Variants in MYO10 observed in about 807,000 individuals in gnomAD.
MYO10 encodes myosin X, also known as unconventional myosin-X.
In MYO10, 133 loss-of-function variants were observed where a neutral mutation model predicts 257.3. That is an observed-to-expected ratio of 0.52 (90% CI 0.45 to 0.60). The LOEUF (loss-of-function observed/expected upper bound fraction) is 0.60, where lower values mean the gene tolerates loss of function less well. Among genes scored for constraint, MYO10 ranks in the 20% least tolerant of loss-of-function variants. The probability of loss-of-function intolerance (pLI) is 0.00; values close to 1 mark genes in which losing one functional copy is unlikely to be tolerated. For missense variants in MYO10, 2,399 were observed against 2,635.7 expected (o/e 0.91, Z 1.97); for synonymous variants, 1,104 against 1,028.6 (o/e 1.07, Z -1.40).
chr5:16,703,250 A>C (rs891831592), intron 22 of MYO10, 92 bp from the exon 23 acceptor site: 3 of 970,444 alleles, frequency 3.1e-6, no homozygotes, highest in Non-Finnish European at 4.6e-6. Flanking sequence ...AAGACAAAAG[A>C]GGACCCAGTT....
chr5:16,770,581 G>A (rs571562172), intron 9 of MYO10, among the ~76,000 whole-genome samples: 5 of 152,210 alleles, frequency 3.3e-5, no homozygotes, highest in East Asian at 1.9e-4. Context: ...AACCAGACAC[G>A]TACACACAAA....
intron 2 of MYO10, among the ~76,000 whole-genome samples, chr5:16,841,329 T>C (rs1743475032): frequency 6.6e-6 from 1 of 152,100 alleles, no homozygotes; most frequent in South Asian, 2.1e-4. Context: ...ATTTTGTGAG[T>C]TGAACTACGC....
At chr5:16,772,870 T>C (rs1268925701) in intron 9 of MYO10, among the ~76,000 whole-genome samples, 1 of 152,138 alleles carries the variant, frequency 6.6e-6, no homozygotes, top group Non-Finnish European at 1.5e-5. Context: ...GATAACCGTA[T>C]ACCAGAGGGA....
intron 27 of MYO10, among the ~76,000 whole-genome samples, chr5:16,693,891 T>A (rs1434289471): frequency 3.3e-5 from 5 of 152,246 alleles, no homozygotes; most frequent in Non-Finnish European, 7.3e-5. Context: ...TTCCTCTCAC[T>A]GCTGGGAATG....
rs565335869 is a variant in MYO10, at chr5:16,841,981, T to C, written c.121-23814A>G. Among the ~76,000 whole-genome samples, 66 of 114,056 alleles carry C rather than the reference T, an allele frequency of 5.8e-4. 1 individual carries two copies. The highest frequency in any genetic ancestry group is 5.1e-3 in the South Asian group (17 of 3,336). The allele number at this position is 114,056 out of a possible 152,430, so 74.8% of individuals were successfully genotyped here. A position where few individuals can be genotyped will look rare whatever the true frequency, so the allele number is the denominator to read the frequency against. ...TAACTAGACAAAGAGGACTCAATCA[T>C]AGAAGGCATGACACTTGACTTTGGG... On this transcript the variant is annotated intron_variant, in intron 2 of 40. Transcript: ENST00000513610.
intron 2 of MYO10, among the ~76,000 whole-genome samples, chr5:16,844,271 C>T (rs1580065559): frequency 6.6e-6 from 1 of 152,182 alleles, no homozygotes; most frequent in South Asian, 2.1e-4. Context: ...AATTCAGGAT[C>T]GGACTCTGAG....
At chr5:16,817,363 G>T (rs1343366460) in intron 3 of MYO10, among the ~76,000 whole-genome samples, 2 of 152,190 alleles carry the variant, frequency 1.3e-5, no homozygotes, top group Non-Finnish European at 2.9e-5. Context: ...GATCTTGACA[G>T]ATAATGCAGT....
At position 16,762,115 on chromosome 5, in the gene MYO10, T is replaced by TGAA; in HGVS notation, c.1588-3_1588-2insTTC. The TGAA allele has an allele frequency of 3.5e-6, 2 of 566,708 alleles. No individual in the cohort carries two copies. The highest frequency in any genetic ancestry group is 2.5e-6 in the Non-Finnish European group (1 of 400,156). 35.1% of individuals were successfully genotyped at this position (566,708 alleles called of 1,614,324 possible). On this transcript the variant is annotated splice_polypyrimidine_tract_variant and splice_region_variant and intron_variant, in intron 15 of 40. Coordinates refer to ENST00000513610, the MANE Select transcript of MYO10 (RefSeq NM_012334.3). ...GGGCTTCACATAAAAGTGGTTATTC[T>TGAA]AAAAAAAAAAAAAAAAAAAAAAAAA...
intron 19 of MYO10, among the ~76,000 whole-genome samples, chr5:16,749,624 G>T (rs573685675): frequency 2.0e-4 from 31 of 152,286 alleles, no homozygotes; most frequent in African/African-American, 7.5e-4. Context: ...AATCTTTGAG[G>T]GTATTGTTCT....
In MYO10 at chr5:16,892,898, T is replaced by C. The variant is rs1053212745; in HGVS notation, c.22-15191A>G. The stretch of plus-strand genomic sequence containing the variant: ...CAGCTACTTTCCAGACACAAAACAT[T>C]GAAAAAGAACTTACAGGCCAGGCAC... On this transcript the variant is annotated intron_variant, in intron 1 of 40. Transcript: ENST00000513610. Among the ~76,000 whole-genome samples, 73 of 151,154 alleles carry C rather than the reference T, an allele frequency of 4.8e-4. 1 individual carries two copies. The highest frequency in any genetic ancestry group is 3.2e-3 in the Admixed American group (49 of 15,202).
chr5:16,753,179 T>C (rs1579951148), intron 19 of MYO10, among the ~76,000 whole-genome samples: 2 of 152,190 alleles, frequency 1.3e-5, no homozygotes, highest in East Asian at 3.9e-4. Flanking sequence ...TTTTTGTTTG[T>C]TTGTTTTGAG....
chr5:16,741,614 C>CA (rs949060433), intron 19 of MYO10, among the ~76,000 whole-genome samples: 238 of 151,498 alleles, frequency 1.6e-3, no homozygotes, highest in African/African-American at 5.2e-3. Context: ...TTCATTTTTA[C>CA]AAAAAAAAAT....
At chr5:16,738,469 C>T (rs1349295007) in intron 19 of MYO10, 1 of 950,254 alleles carries the variant, frequency 1.1e-6, no homozygotes, top group African/African-American at 1.8e-5. Flanking sequence ...GAAGATTGCT[C>T]AAGGTGAGGG....
chr5:16,771,162 C>T (rs944219295), intron 9 of MYO10, among the ~76,000 whole-genome samples: 1 of 152,136 alleles, frequency 6.6e-6, no homozygotes, highest in African/African-American at 2.4e-5. Flanking sequence ...CTGACATATA[C>T]ATGAGCGATA....
chr5:16,786,170 T>TTTGAA (rs1387846514), intron 4 of MYO10, among the ~76,000 whole-genome samples: 1 of 152,084 alleles, frequency 6.6e-6, no homozygotes, highest in East Asian at 1.9e-4. Flanking sequence ...ACCCCTAAGA[T>TTTGAA]TTGATGGCTG....
intron 1 of MYO10, among the ~76,000 whole-genome samples, chr5:16,879,969 G>C (rs1456386973): frequency 1.3e-5 from 2 of 152,176 alleles, no homozygotes; most frequent in Non-Finnish European, 2.9e-5. Context: ...CTTGAGGTCA[G>C]GAGTTTGAGA....
intron 1 of MYO10, among the ~76,000 whole-genome samples, chr5:16,917,779 G>T (rs550546693): frequency 1.3e-5 from 2 of 151,996 alleles, no homozygotes; most frequent in Non-Finnish European, 2.9e-5. Flanking sequence ...AAGGCCGAAC[G>T]GGGGAGAATC....
chr5:16,724,282 A>G (rs988955977), intron 19 of MYO10, among the ~76,000 whole-genome samples: 1 of 152,152 alleles, frequency 6.6e-6, no homozygotes, highest in African/African-American at 2.4e-5. Context: ...TGGAGTCACA[A>G]CTCTGGATAC....
At chr5:16,738,599 A>C (rs770010248) in intron 19 of MYO10, among the ~76,000 whole-genome samples, 28 of 151,546 alleles carry the variant, frequency 1.8e-4, no homozygotes, top group Non-Finnish European at 3.5e-4. Flanking sequence ...AAACAACAAC[A>C]ACAAAAAAAG....
Sources: gnomAD v4.1 joint callset for allele counts (sites outside exome capture counted in the v4.1 genomes callset) on GRCh38, gnomAD v4.1.1 for gene constraint, MANE v1.5 for transcripts, NCBI Gene and HGNC (gene_info 2026-07-23, HGNC 2026-07-21) for gene names.